Variants in CXCL8 observed in about 807,000 individuals in gnomAD.
CXCL8 encodes interleukin-8.
A neutral mutation model predicts 10.9 loss-of-function variants in CXCL8; 12 were observed. The ratio of observed to expected loss-of-function variants is 1.10; its 90% CI spans 0.71 to 1.79. The LOEUF is 1.79. Among genes scored for constraint, CXCL8 ranks in the 40% most tolerant of loss-of-function variants. The pLI, the probability that CXCL8 is intolerant of heterozygous loss-of-function variation, is 0.00. For missense variants in CXCL8, 145 were observed against 113.4 expected, an observed-to-expected ratio of 1.28 and a Z score of -1.26; for synonymous variants, 41 against 39.6, an observed-to-expected ratio of 1.03 and a Z score of -0.13.
chr4:73,742,376 A>G (rs1729204664), intron 3 of CXCL8, 73 bp from the exon 4 acceptor site: 2 of 733,094 alleles, frequency 2.7e-6, no homozygotes, highest in Admixed American at 2.7e-5. Flanking sequence ...CAAAGACTAT[A>G]TTGACTTTTC....
chr4:73,740,571 A>C lies in CXCL8; in HGVS notation c.-88A>C. The C allele has an allele frequency of 1.6e-6, 2 of 1,236,844 alleles. No individual in the cohort carries two copies. The highest frequency in any genetic ancestry group is 1.3e-5 in the South Asian group (1 of 77,668). 76.6% of individuals were successfully genotyped at this position (1,236,844 alleles called of 1,614,324 possible). A position where few individuals can be genotyped will look rare whatever the true frequency, so the allele number is the denominator to read the frequency against. On this transcript the variant is annotated 5_prime_UTR_variant, in exon 1 of 4. Transcript: ENST00000307407. ...GCCACCGGAGCACTCCATAAGGCAC[A>C]AACTTTCAGAGACAGCAGAGCACAC...
At position 73,741,525 on chromosome 4, in the gene CXCL8, A is replaced by G. The variant is rs1375622889; in HGVS notation, c.65-17A>G. 3.1e-6 allele frequency: 5 copies of G among 1,611,318 alleles called. No individual in the cohort carries two copies. In the South Asian group the frequency reaches 3.3e-5, roughly 11 times the overall value. On this transcript the variant is annotated splice_polypyrimidine_tract_variant and intron_variant, in intron 1 of 3. Transcript: ENST00000307407. ...CTGTTGATAAAATCAATCCTTAATC[A>G]CTTTTTCCCCCAACAGGTGCAGTTT...
chr4:73,740,690 C>A lies in CXCL8; in HGVS notation c.32C>A (p.Ala11Glu), dbSNP rs1329179591. MTSKLAVALLAAFLISAALCE... is the reference protein window; with the variant it reads MTSKLAVALLEAFLISAALCE... The stretch of plus-strand genomic sequence containing the variant: ...TCCAAGCTGGCCGTGGCTCTCTTGG[C>A]AGCCTTCCTGATTTCTGCAGCTCTG... Residue 11 changes from alanine to glutamate, a missense_variant, in exon 1 of 4, where the codon GCA becomes GAA. Coordinates refer to ENST00000307407, the MANE Select transcript of CXCL8 (RefSeq NM_000584.4). 1.9e-6 allele frequency: 3 copies of A among 1,613,508 alleles called. No individual in the cohort carries two copies. The highest frequency in any genetic ancestry group is 2.5e-6 in the Non-Finnish European group (3 of 1,179,694).
Position 73,743,050 on chromosome 4 carries a change from T to C in CXCL8, c.*586T>C. On this transcript the variant is annotated 3_prime_UTR_variant, in exon 4 of 4. Transcript: ENST00000307407. ...ACCTCACAGTGATGTTGTGAGGACA[T>C]GTGGAAGCACTTTAAGTTTTTTCAT... 1 of 229,812 alleles carries C rather than the reference T, an allele frequency of 4.4e-6. No homozygotes were observed. Among genetic ancestry groups the C allele is most frequent in the East Asian group, 6.2e-5 (1 of 16,074 alleles). The allele number at this position is 229,812 out of a possible 1,614,324, so 14.2% of individuals were successfully genotyped here. A position where few individuals can be genotyped will look rare whatever the true frequency, so the allele number is the denominator to read the frequency against.
chr4:73,743,242 G>C lies in CXCL8; in HGVS notation c.*778G>C. 4.5e-6 allele frequency: 1 copy of C among 220,186 alleles called. No individual in the cohort carries two copies. Among genetic ancestry groups the C allele is most frequent in the Non-Finnish European group, 9.1e-6 (1 of 110,032 alleles). 13.6% of individuals were successfully genotyped at this position (220,186 alleles called of 1,614,324 possible). A position where few individuals can be genotyped will look rare whatever the true frequency, so the allele number is the denominator to read the frequency against. ...ATTTATTTTATTTTAGATATTAAAT[G>C]ATGTTTTATTAGATAAATTTCAATC... On this transcript the variant is annotated 3_prime_UTR_variant, in exon 4 of 4. Transcript: ENST00000307407.
chr4:73,741,423 A>C (rs1416617216), intron 1 of CXCL8, 119 bp from the exon 2 acceptor site: 5 of 920,676 alleles, frequency 5.4e-6, no homozygotes, highest in Non-Finnish European at 8.2e-6. Context: ...GAATGAGTTC[A>C]CTAGAAACAT....
Position 73,743,331 on chromosome 4 carries a change from A to G in CXCL8, c.*867A>G, listed in dbSNP as rs1018460652. The G allele has an allele frequency of 3.3e-5, 7 of 212,494 alleles. No individual in the cohort carries two copies. The highest frequency in any genetic ancestry group is 1.6e-4 in the African/African-American group (7 of 44,352). The allele number at this position is 212,494 out of a possible 1,614,324, so 13.2% of individuals were successfully genotyped here. A position where few individuals can be genotyped will look rare whatever the true frequency, so the allele number is the denominator to read the frequency against. On this transcript the variant is annotated 3_prime_UTR_variant, in exon 4 of 4. Transcript: ENST00000307407. ...AGTTAAATTTTCATTTCAGATAAACAACAAATAATTTTTTAGTATAAGTAC... is the reference window on the plus strand; with the variant it reads ...AGTTAAATTTTCATTTCAGATAAACGACAAATAATTTTTTAGTATAAGTAC...
In CXCL8 at chr4:73,742,329, T is replaced by C. The variant is rs562080412; in HGVS notation, c.285-120T>C. 2.0e-5 allele frequency: 12 copies of C among 595,404 alleles called. No homozygotes were observed. The African/African-American group carries it at 2.1e-4, about 10-fold the overall frequency. 36.9% of individuals were successfully genotyped at this position (595,404 alleles called of 1,614,324 possible). Reference sequence around the variant, plus strand: ...ATAATTTCTTTGATCTCCCTATTTATAGTTGAGAATATAGAGCATTTCTAA... The same window carrying C: ...ATAATTTCTTTGATCTCCCTATTTACAGTTGAGAATATAGAGCATTTCTAA... On this transcript the variant is annotated intron_variant, in intron 3 of 3. Coordinates refer to ENST00000307407, the MANE Select transcript of CXCL8 (RefSeq NM_000584.4).
rs1729214383 is a variant in CXCL8 at position 73,742,690 on chromosome 4, A to T, written c.*226A>T. The T allele has an allele frequency of 2.8e-6, 1 of 363,110 alleles. No homozygotes were observed. The highest frequency in any genetic ancestry group is 4.7e-5 in the Admixed American group (1 of 21,134). The allele number at this position is 363,110 out of a possible 1,614,324, so 22.5% of individuals were successfully genotyped here. On this transcript the variant is annotated 3_prime_UTR_variant, in exon 4 of 4. Transcript: ENST00000307407. ...TGTAAAGTATTATTTATTTGAATCTACAAAAAACAACAAATAATTTTTAAA... is the reference window on the plus strand; with the variant it reads ...TGTAAAGTATTATTTATTTGAATCTTCAAAAAACAACAAATAATTTTTAAA...
rs760653250 is a variant in CXCL8, at chr4:73,740,667, C to T, written c.9C>T (p.Ser3=). The T allele has an allele frequency of 3.7e-6, 6 of 1,613,540 alleles. No individual in the cohort carries two copies. The highest frequency in any genetic ancestry group is 3.3e-5 in the South Asian group (3 of 91,064). Residue 3 remains serine (S), a synonymous_variant, in exon 1 of 4, where the codon TCC becomes TCT. Coordinates refer to ENST00000307407, the MANE Select transcript of CXCL8 (RefSeq NM_000584.4). The part of the protein sequence containing the change: MT[S]KLAVALLAAF... ...TCTCACTGTGTGTAAACATGACTTC[C>T]AAGCTGGCCGTGGCTCTCTTGGCAG...
In CXCL8 at chr4:73,742,513, AACTTCAAGCAAATCTACTTCAAC is replaced by A. The variant is rs762565297; in HGVS notation, c.*56_*78del. ...CAAGAATCAGTGAAGATGCCAGTGAAACTTCAAGCAAATCTACTTCAACACTTCATGTATTGTGTGGGTCTGTT... is the reference window on the plus strand; with the variant it reads ...CAAGAATCAGTGAAGATGCCAGTGAAACTTCATGTATTGTGTGGGTCTGTT... On this transcript the variant is annotated 3_prime_UTR_variant, in exon 4 of 4. Coordinates refer to ENST00000307407, the MANE Select transcript of CXCL8 (RefSeq NM_000584.4). 1.6e-6 allele frequency: 2 copies of A among 1,246,764 alleles called. No homozygotes were observed. Among genetic ancestry groups the A allele is most frequent in the Admixed American group, 3.9e-5 (2 of 50,806 alleles). 77.2% of individuals were successfully genotyped at this position (1,246,764 alleles called of 1,614,324 possible). A position where few individuals can be genotyped will look rare whatever the true frequency, so the allele number is the denominator to read the frequency against.
Position 73,741,978 on chromosome 4 carries a change from G to T in CXCL8, c.230G>T (p.Cys77Phe). The change falls in exon 3 of 4, where the codon TGT (cysteine) becomes TTT (phenylalanine). Residue 77 changes from cysteine to phenylalanine, a missense_variant. Transcript: ENST00000307407. ...IVKLSDGREL[C>F]LDPKENWVQR... ...AAGCTTTCTGATGGAAGAGAGCTCT[G>T]TCTGGACCCCAAGGAAAACTGGGTG... 1.9e-6 allele frequency: 3 copies of T among 1,611,572 alleles called. No homozygotes were observed. The Admixed American group carries it at 5.0e-5, about 27-fold the overall frequency.
At chr4:73,742,160 AAG>A in intron 3 of CXCL8, 128 bp downstream of exon 3, 1 of 613,898 alleles carries the variant, frequency 1.6e-6, no homozygotes, top group Non-Finnish European at 2.9e-6. Flanking sequence ...TTAAAAAAAA[AAG>A]GAATAGCATC....
Position 73,743,003 on chromosome 4 carries a change from A to C in CXCL8, c.*539A>C, listed in dbSNP as rs1017072008. ...TGGTTTCTCCTTTATTTCTAAGTGG[A>C]AAAAGTATTAGCCACCATCTTACCT... On this transcript the variant is annotated 3_prime_UTR_variant, in exon 4 of 4. Transcript: ENST00000307407. 4.3e-6 allele frequency: 1 copy of C among 230,294 alleles called. No homozygotes were observed. The highest frequency in any genetic ancestry group is 8.6e-6 in the Non-Finnish European group (1 of 116,300). 14.3% of individuals were successfully genotyped at this position (230,294 alleles called of 1,614,324 possible).
rs200772595 is a variant in CXCL8, at chr4:73,742,602, T to A, written c.*138T>A. 2.1e-6 allele frequency: 1 copy of A among 468,252 alleles called. No homozygotes were observed. The highest frequency in any genetic ancestry group is 3.9e-6 in the Non-Finnish European group (1 of 257,536). The allele number at this position is 468,252 out of a possible 1,614,324, so 29.0% of individuals were successfully genotyped here. The stretch of plus-strand genomic sequence containing the variant: ...GCAATACAAGATTCCTGGTTAAATT[T>A]GAATTTCAGTAAACAATGAATAGTT... On this transcript the variant is annotated 3_prime_UTR_variant, in exon 4 of 4. Coordinates refer to ENST00000307407, the MANE Select transcript of CXCL8 (RefSeq NM_000584.4).
chr4:73,741,155 A>T (rs1050332736), intron 1 of CXCL8, among the ~76,000 whole-genome samples: 2 of 152,172 alleles, frequency 1.3e-5, no homozygotes, highest in African/African-American at 4.8e-5. Context: ...CCAGGCATGT[A>T]TAACTTATTT....
At chr4:73,742,258 C>G (rs1729195569) in intron 3 of CXCL8, 191 bp from the exon 4 acceptor site, 1 of 576,388 alleles carries the variant, frequency 1.7e-6, no homozygotes, top group Non-Finnish European at 3.1e-6. Flanking sequence ...GTCCTATACT[C>G]TTAGTAAAGT....
rs200549660 is a variant in CXCL8, at chr4:73,743,390, C to T, written c.*926C>T. The T allele has an allele frequency of 2.9e-5, 6 of 206,350 alleles. No homozygotes were observed. The highest frequency in any genetic ancestry group is 5.9e-5 in the Non-Finnish European group (6 of 101,220). The allele number at this position is 206,350 out of a possible 1,614,324, so 12.8% of individuals were successfully genotyped here. ...TTATCTGAAATTTTAATTGAACTAACAATCCTAGTTTGATACTCCCAGTCT... is the reference window on the plus strand; with the variant it reads ...TTATCTGAAATTTTAATTGAACTAATAATCCTAGTTTGATACTCCCAGTCT... On this transcript the variant is annotated 3_prime_UTR_variant, in exon 4 of 4. Coordinates refer to ENST00000307407, the MANE Select transcript of CXCL8 (RefSeq NM_000584.4).
Position 73,743,709 on chromosome 4 carries a change from C to T in CXCL8, c.*1245C>T. 1 of 193,388 alleles carries T rather than the reference C, an allele frequency of 5.2e-6. No homozygotes were observed. Among genetic ancestry groups the T allele is most frequent in the Non-Finnish European group, 1.1e-5 (1 of 93,710 alleles). The allele number at this position is 193,388 out of a possible 1,614,324, so 12.0% of individuals were successfully genotyped here. A position where few individuals can be genotyped will look rare whatever the true frequency, so the allele number is the denominator to read the frequency against. On this transcript the variant is annotated 3_prime_UTR_variant, in exon 4 of 4. Coordinates refer to ENST00000307407, the MANE Select transcript of CXCL8 (RefSeq NM_000584.4). The stretch of plus-strand genomic sequence containing the variant: ...AAACATTTAAAATATAATTTGTTGT[C>T]AAAGTAATCAAGTGTTTGTCTTTTT...
Sources: gnomAD v4.1 joint callset for allele counts (sites outside exome capture counted in the v4.1 genomes callset) on GRCh38, gnomAD v4.1.1 for gene constraint, MANE v1.5 for transcripts, NCBI Gene and HGNC (gene_info 2026-07-23, HGNC 2026-07-21) for gene names.